TRPM3: variants seen among roughly 807,000 people sequenced by gnomAD.
TRPM3 encodes transient receptor potential cation channel subfamily M member 3, also known as long transient receptor potential channel 3.
TRPM3 carries 77 observed loss-of-function variants against 181.2 expected under a neutral mutation model. The ratio of observed to expected loss-of-function variants is 0.42; its 90% CI spans 0.35 to 0.51. The LOEUF is 0.51. TRPM3 is among the 20% of genes least tolerant of loss of function. The probability of loss-of-function intolerance (pLI) is 0.01; values close to 1 mark genes in which losing one functional copy is unlikely to be tolerated. For synonymous variants in TRPM3, 745 were observed against 796.4 expected (o/e 0.94, Z 1.09); for missense variants, 1,759 against 2,196.7 (o/e 0.80, Z 3.98).
chr9:70,620,044 C>A (rs755788619), intron 16 of TRPM3, 32 bp downstream of exon 16: 3 of 1,579,036 alleles, frequency 1.9e-6, no homozygotes, highest in South Asian at 1.2e-5. Context: ...CTCCTCTCCC[C>A]CTGACCAGCC....
At chr9:71,003,650 C>T (rs980403310) in intron 1 of TRPM3, among the ~76,000 whole-genome samples, 1 of 152,048 alleles carries the variant, frequency 6.6e-6, no homozygotes, top group African/African-American at 2.4e-5. Context: ...GGAAATGTAT[C>T]TCAGTGTAGG....
chr9:70,603,208 A>C (rs2060399536), intron 20 of TRPM3, 134 bp downstream of exon 20: 9 of 1,073,170 alleles, frequency 8.4e-6, no homozygotes, highest in African/African-American at 1.6e-5. Flanking sequence ...AGGAGCAAAG[A>C]AGCAGCTGTG....
At chr9:70,700,327 G>A (rs1201280974) in intron 8 of TRPM3, among the ~76,000 whole-genome samples, 1 of 152,090 alleles carries the variant, frequency 6.6e-6, no homozygotes, top group South Asian at 2.1e-4. Context: ...ATGATTTGGG[G>A]GAAAGTGACA....
At chr9:70,573,148 A>C (rs2132203236) in intron 22 of TRPM3, among the ~76,000 whole-genome samples, 1 of 152,352 alleles carries the variant, frequency 6.6e-6, no homozygotes, top group Non-Finnish European at 1.5e-5. Context: ...AGCCATAGTG[A>C]AGTGGTCAGA....
At chr9:70,918,618 A>C (rs2096624987) in intron 1 of TRPM3, among the ~76,000 whole-genome samples, 1 of 152,222 alleles carries the variant, frequency 6.6e-6, no homozygotes, top group South Asian at 2.1e-4. Flanking sequence ...CAGCAAAAGC[A>C]GTACTAAGGG....
chr9:70,861,013 A>G (rs1309968387), intron 3 of TRPM3, among the ~76,000 whole-genome samples: 1 of 152,196 alleles, frequency 6.6e-6, no homozygotes, highest in Non-Finnish European at 1.5e-5. Flanking sequence ...ATCTAAATCC[A>G]CAATCTACAT....
At chr9:70,699,245 GCT>G (rs2071614949) in intron 8 of TRPM3, among the ~76,000 whole-genome samples, 1 of 152,156 alleles carries the variant, frequency 6.6e-6, no homozygotes, top group Non-Finnish European at 1.5e-5. Flanking sequence ...GAATTTAAGG[GCT>G]AAGGAGACAA....
intron 6 of TRPM3, among the ~76,000 whole-genome samples, chr9:70,784,772 T>A (rs1588299293): frequency 6.6e-6 from 1 of 152,204 alleles, no homozygotes. Flanking sequence ...TTAAACACTA[T>A]CAAAATCAGC....
chr9:70,747,205 T>C (rs1172849473), intron 8 of TRPM3, among the ~76,000 whole-genome samples: 1 of 152,116 alleles, frequency 6.6e-6, no homozygotes, highest in Non-Finnish European at 1.5e-5. Context: ...TCTTAAGAGC[T>C]TGCATGGGAA....
intron 8 of TRPM3, among the ~76,000 whole-genome samples, chr9:70,682,997 C>A (rs1041942449): frequency 2.6e-5 from 4 of 152,124 alleles, no homozygotes; most frequent in African/African-American, 7.2e-5. Flanking sequence ...AGTCCACCAC[C>A]TAAAGACAAG....
chr9:71,005,266 C>A (rs911663389), intron 1 of TRPM3, among the ~76,000 whole-genome samples: 3 of 151,938 alleles, frequency 2.0e-5, no homozygotes, highest in Non-Finnish European at 4.4e-5. Flanking sequence ...ATTAGCAGGG[C>A]ATGGTAGGGC....
chr9:71,032,057 ATTATATAT>A lies in TRPM3; in HGVS notation c.177+89113_177+89120del, dbSNP rs2057493036. Among the ~76,000 whole-genome samples the A allele has an allele frequency of 6.3e-3, 9 of 1,438 alleles. 1 individual carries two copies. Among genetic ancestry groups the A allele is most frequent in the African/African-American group, 0.014 (2 of 148 alleles). The allele number at this position is 1,438 out of a possible 152,430, so 0.9% of individuals were successfully genotyped here. ...AAATATATATATATATATTATATAT[ATTATATAT>A]ATTATATTATATTATATATATATAA... On this transcript the variant is annotated intron_variant, in intron 1 of 25. Transcript: ENST00000677713.
intron 1 of TRPM3, among the ~76,000 whole-genome samples, chr9:71,058,020 C>T (rs2060865810): frequency 6.6e-6 from 1 of 152,026 alleles, no homozygotes; most frequent in Middle Eastern, 3.2e-3. Context: ...GAGTACCTAA[C>T]ATTATCTTGT....
chr9:70,539,512 C>T (rs2042704784), intron 25 of TRPM3, among the ~76,000 whole-genome samples: 2 of 150,196 alleles, frequency 1.3e-5, no homozygotes, highest in Non-Finnish European at 3.0e-5. Context: ...TGCCCCATAA[C>T]CAACCCAATG....
At chr9:71,085,277 A>T (rs894214395) in intron 1 of TRPM3, among the ~76,000 whole-genome samples, 3 of 152,110 alleles carry the variant, frequency 2.0e-5, no homozygotes, top group African/African-American at 7.2e-5. Context: ...AAAACTGGCA[A>T]GTGGGACCTA....
intron 8 of TRPM3, among the ~76,000 whole-genome samples, chr9:70,692,016 AAACAG>A (rs2068733752): frequency 6.6e-6 from 1 of 152,178 alleles, no homozygotes; most frequent in African/African-American, 2.4e-5. Flanking sequence ...AAACAAAACA[AAACAG>A]AACAACAAAA....
chr9:70,772,494 C>T (rs1475895992), intron 7 of TRPM3, among the ~76,000 whole-genome samples: 1 of 151,868 alleles, frequency 6.6e-6, no homozygotes, highest in Non-Finnish European at 1.5e-5. Flanking sequence ...GCTAATTTTT[C>T]ATATTTTTTG....
At chr9:70,623,559 T>G (rs2063978683) in intron 14 of TRPM3, among the ~76,000 whole-genome samples, 1 of 152,180 alleles carries the variant, frequency 6.6e-6, no homozygotes, top group African/African-American at 2.4e-5. Context: ...AAAGCAGTGG[T>G]GAGTAAAGCT....
rs563466987 is a variant in TRPM3 at position 71,269,459 on chromosome 9, G to A, written c.183+177194C>T. On this transcript the variant is annotated intron_variant, in intron 1 of 24. Transcript: ENST00000357533. ...TGGCCAGAGTCTCAACACCTGCACC[G>A]AGCAACAGAGCAGAATAATCTCATT... is the stretch of plus-strand genomic sequence containing the variant. Among the ~76,000 whole-genome samples the A allele has an allele frequency of 2.2e-3, 333 of 152,246 alleles. 1 individual carries two copies. Among genetic ancestry groups the A allele is most frequent in the African/African-American group, 7.6e-3 (315 of 41,552 alleles).
Sources: gnomAD v4.1 joint callset for allele counts (sites outside exome capture counted in the v4.1 genomes callset) on GRCh38, gnomAD v4.1.1 for gene constraint, MANE v1.5 for transcripts, NCBI Gene and HGNC (gene_info 2026-07-23, HGNC 2026-07-21) for gene names.